Variants in PDGFRL observed in about 807,000 individuals in gnomAD.
The protein encoded by PDGFRL is platelet-derived growth factor receptor-like protein.
PDGFRL carries 46 observed loss-of-function variants against 37.2 expected under a neutral mutation model. The observed-to-expected ratio is 1.24, with a 90% CI of 0.98 to 1.58. The LOEUF is 1.58. Among genes scored for constraint, PDGFRL ranks in the 40% most tolerant of loss-of-function variants. PDGFRL has a pLI of 0.00. For synonymous variants in PDGFRL, 251 were observed against 184.3 expected, an observed-to-expected ratio of 1.36 and a Z score of -2.93; for missense variants, 692 against 467.6, an observed-to-expected ratio of 1.48 and a Z score of -4.43.
intron 1 of PDGFRL, 152 bp downstream of exon 1, chr8:17,577,459 C>T (rs1162887622): frequency 1.0e-5 from 7 of 701,334 alleles, no homozygotes; most frequent in African/African-American, 5.3e-5. Context: ...CACCTGCCCC[C>T]TCCTGGTGGG....
chr8:17,586,951 A>C (rs1803831586), intron 1 of PDGFRL, among the ~76,000 whole-genome samples: 1 of 152,226 alleles, frequency 6.6e-6, no homozygotes, highest in Non-Finnish European at 1.5e-5. Flanking sequence ...TCAAAAATTC[A>C]ATGGTAATGG....
chr8:17,631,556 C>T (rs891074454), intron 4 of PDGFRL, among the ~76,000 whole-genome samples: 1 of 152,176 alleles, frequency 6.6e-6, no homozygotes, highest in Non-Finnish European at 1.5e-5. Context: ...CCACTCTTCC[C>T]CACTAGAACC....
intron 2 of PDGFRL, among the ~76,000 whole-genome samples, chr8:17,607,247 T>C (rs1804301426): frequency 6.6e-6 from 1 of 152,142 alleles, no homozygotes; most frequent in Admixed American, 6.5e-5. Context: ...CTGATGCTCA[T>C]ACTAATGGTC....
chr8:17,616,764 C>T (rs915557473), intron 2 of PDGFRL, among the ~76,000 whole-genome samples: 4 of 152,152 alleles, frequency 2.6e-5, no homozygotes, highest in Non-Finnish European at 5.9e-5. Context: ...GACATCATTG[C>T]ATCCCTCCTG....
Position 17,577,274 on chromosome 8 carries a change from G to T in PDGFRL, c.22G>T (p.Gly8Cys), listed in dbSNP as rs1488783984. The T allele has an allele frequency of 6.2e-7, 1 of 1,612,956 alleles. No individual in the cohort carries two copies. The highest frequency in any genetic ancestry group is 1.7e-5 in the Admixed American group (1 of 59,956). MKVWLLL[G>C]LLLVHEALED... ...CGAGATGAAGGTCTGGCTGCTGCTT[G>T]GTCTTCTGCTGGTGCACGAAGCGCT... Residue 8 changes from glycine (G) to cysteine (C), a missense_variant, in exon 1 of 6, where the codon GGT becomes TGT. Gly to Cys is a radical substitution (Grantham distance 159, BLOSUM62 -3). Transcript: ENST00000251630.
At chr8:17,638,250 T>C (rs1284449195) in intron 5 of PDGFRL, among the ~76,000 whole-genome samples, 2 of 152,176 alleles carry the variant, frequency 1.3e-5, no homozygotes, top group African/African-American at 2.4e-5. Flanking sequence ...GTGCTACTAT[T>C]TTCATTCAGT....
intron 5 of PDGFRL, among the ~76,000 whole-genome samples, chr8:17,639,136 A>G (rs1236723081): frequency 1.3e-5 from 2 of 152,022 alleles, no homozygotes; most frequent in African/African-American, 4.8e-5. Context: ...GCCCTTTACC[A>G]TAAGTTTATG....
chr8:17,628,504 G>A lies in PDGFRL; in HGVS notation c.523G>A (p.Val175Ile), dbSNP rs200908450. The change falls in exon 4 of 6, where the codon GTA (valine) becomes ATA (isoleucine). Residue 175 changes from valine to isoleucine, a missense_variant. By Grantham distance (29) the Val-to-Ile change is conservative. Transcript: ENST00000251630. The stretch of plus-strand genomic sequence containing the variant: ...CTTTGCAGAGAAAGGAGAACTCTTT[G>A]TACCTTCTCCCAGCTACTTCGATGT... ...IFFTEKGELF[V>I]PSPSYFDVVY... 11 of 1,613,574 alleles carry A rather than the reference G, an allele frequency of 6.8e-6. No homozygotes were observed. The South Asian group carries it at 7.7e-5, about 11-fold the overall frequency.
In PDGFRL at chr8:17,589,691, G is replaced by C. The variant is rs535221150; in HGVS notation, c.279G>C (p.Glu93Asp). 6.2e-7 allele frequency: 1 copy of C among 1,613,516 alleles called. No homozygotes were observed. The highest frequency in any genetic ancestry group is 8.5e-7 in the Non-Finnish European group (1 of 1,179,592). The change falls in exon 2 of 6, where the codon GAG (glutamate) becomes GAC (aspartate). Residue 93 changes from glutamate (E) to aspartate (D), a missense_variant. By Grantham distance (45) the Glu-to-Asp change is conservative. Coordinates refer to ENST00000251630, the MANE Select transcript of PDGFRL (RefSeq NM_001372073.1). Reference sequence around the variant, plus strand: ...GTCTGCTGGCGGGGCAAACTGTAGAGCTTCGATGTAAAGGGAGTAGAATTG... The same window carrying C: ...GTCTGCTGGCGGGGCAAACTGTAGACCTTCGATGTAAAGGGAGTAGAATTG... ...TLSLLAGQTV[E>D]LRCKGSRIGW...
At chr8:17,625,716 C>T (rs1040529533) in intron 3 of PDGFRL, among the ~76,000 whole-genome samples, 2 of 152,150 alleles carry the variant, frequency 1.3e-5, no homozygotes, top group African/African-American at 4.8e-5. Context: ...AGGCTGGGAA[C>T]ATTGGCTCAT....
At chr8:17,605,268 A>G (rs1456556358) in intron 2 of PDGFRL, among the ~76,000 whole-genome samples, 1 of 152,166 alleles carries the variant, frequency 6.6e-6, no homozygotes, top group African/African-American at 2.4e-5. Context: ...TTCCTGTGTC[A>G]GTTGCCTCCA....
intron 2 of PDGFRL, among the ~76,000 whole-genome samples, chr8:17,613,596 GC>G (rs1804466470): frequency 6.6e-6 from 1 of 152,136 alleles, no homozygotes; most frequent in South Asian, 2.1e-4. Context: ...ATCCAGAGAA[GC>G]CCAGGCGCAG....
chr8:17,614,940 G>T (rs1052957305), intron 2 of PDGFRL, among the ~76,000 whole-genome samples: 1 of 152,142 alleles, frequency 6.6e-6, no homozygotes, highest in Non-Finnish European at 1.5e-5. Flanking sequence ...TCTCCAGCCT[G>T]TTTGTTCACC....
intron 2 of PDGFRL, among the ~76,000 whole-genome samples, chr8:17,591,291 A>T (rs2720582): frequency 2.6e-5 from 4 of 151,936 alleles, no homozygotes; most frequent in African/African-American, 9.7e-5. Flanking sequence ...TCAGGAGGCT[A>T]GGCTTCTAGA....
intron 5 of PDGFRL, among the ~76,000 whole-genome samples, chr8:17,634,701 A>C (rs1300924691): frequency 6.6e-6 from 1 of 152,202 alleles, no homozygotes; most frequent in Non-Finnish European, 1.5e-5. Context: ...CATTATCCTT[A>C]GCAAACTAAC....
chr8:17,642,860 T>G lies in PDGFRL; in HGVS notation c.*59T>G, dbSNP rs578059386. 8.8e-7 allele frequency: 1 copy of G among 1,139,902 alleles called. No individual in the cohort carries two copies. The highest frequency in any genetic ancestry group is 2.4e-5 in the East Asian group (1 of 42,332). 70.6% of individuals were successfully genotyped at this position (1,139,902 alleles called of 1,614,324 possible). ...GCCCATTTGTGTACACAGTCAGCTT[T>G]GGGGTTCCTTTTATTAGTGCTTTGC... On this transcript the variant is annotated 3_prime_UTR_variant, in exon 6 of 6. Coordinates refer to ENST00000251630, the MANE Select transcript of PDGFRL (RefSeq NM_001372073.1).
chr8:17,633,875 C>G (rs1160221458), intron 4 of PDGFRL, among the ~76,000 whole-genome samples, 199 bp from the exon 5 acceptor site: 3 of 152,168 alleles, frequency 2.0e-5, no homozygotes, highest in East Asian at 1.9e-4. Context: ...CTACCCCATT[C>G]CAGACCACCA....
At chr8:17,640,847 G>A (rs907097490) in intron 5 of PDGFRL, among the ~76,000 whole-genome samples, 1 of 152,070 alleles carries the variant, frequency 6.6e-6, no homozygotes, top group Admixed American at 6.5e-5. Flanking sequence ...AAGAGATTAT[G>A]TCCTTTGTCT....
chr8:17,594,125 T>A (rs1389557495), intron 2 of PDGFRL, among the ~76,000 whole-genome samples: 1 of 152,026 alleles, frequency 6.6e-6, no homozygotes, highest in Non-Finnish European at 1.5e-5. Flanking sequence ...GCGTATTTGT[T>A]TTTTTTGTTA....
Sources: gnomAD v4.1 joint callset for allele counts (sites outside exome capture counted in the v4.1 genomes callset) on GRCh38, gnomAD v4.1.1 for gene constraint, MANE v1.5 for transcripts, NCBI Gene and HGNC (gene_info 2026-07-23, HGNC 2026-07-21) for gene names.